Variants in MYT1L observed in about 807,000 individuals in gnomAD.
The protein encoded by MYT1L is myelin transcription factor 1 like, also known as myelin transcription factor 1-like protein.
A neutral mutation model predicts 126.7 loss-of-function variants in MYT1L; 12 were observed. That is an observed-to-expected ratio of 0.09 (90% CI 0.06 to 0.15). The LOEUF is 0.15. MYT1L is among the 10% of genes least tolerant of loss of function. The pLI is 1.00. For synonymous variants in MYT1L, 541 were observed against 604.2 expected, an observed-to-expected ratio of 0.90 and a Z score of 1.53; for missense variants, 979 against 1,585.2, an observed-to-expected ratio of 0.62 and a Z score of 6.49.
At chr2:1,799,749 C>A (rs1334624647) in intron 23 of MYT1L, among the ~76,000 whole-genome samples, 1 of 152,224 alleles carries the variant, frequency 6.6e-6, no homozygotes, top group Non-Finnish European at 1.5e-5. Flanking sequence ...TGTGTCCCCA[C>A]CCAAATCTCA....
chr2:2,176,972 C>A (rs796924971), intron 2 of MYT1L, among the ~76,000 whole-genome samples: 7 of 152,266 alleles, frequency 4.6e-5, no homozygotes, highest in African/African-American at 1.7e-4. Flanking sequence ...AGACATGTAC[C>A]TAAAGCCACA....
intron 18 of MYT1L, among the ~76,000 whole-genome samples, chr2:1,869,739 G>A (rs1469592844): frequency 2.0e-5 from 3 of 152,158 alleles, no homozygotes; most frequent in East Asian, 3.8e-4. Flanking sequence ...AGACTTGGAA[G>A]ATGATTATTA....
At chr2:2,031,407 T>TC (rs1158617085) in intron 4 of MYT1L, among the ~76,000 whole-genome samples, 1 of 148,274 alleles carries the variant, frequency 6.7e-6, no homozygotes, top group African/African-American at 2.4e-5. Flanking sequence ...CAAGTGCCTC[T>TC]CATCCTGTGG....
At chr2:2,280,448 T>TC (rs1412459516) in intron 2 of MYT1L, among the ~76,000 whole-genome samples, 1 of 152,190 alleles carries the variant, frequency 6.6e-6, no homozygotes, top group Non-Finnish European at 1.5e-5. Flanking sequence ...GTAAAGGTGT[T>TC]CACCTGCCCA....
At chr2:2,244,547 A>T (rs1351995406) in intron 2 of MYT1L, among the ~76,000 whole-genome samples, 1 of 152,254 alleles carries the variant, frequency 6.6e-6, no homozygotes. Context: ...CCCAAGTTTC[A>T]GATATCGGTG....
chr2:1,797,379 A>T (rs1393443649), intron 23 of MYT1L, among the ~76,000 whole-genome samples: 1 of 152,142 alleles, frequency 6.6e-6, no homozygotes, highest in Non-Finnish European at 1.5e-5. Context: ...GCCCGCCACC[A>T]CGCTAGGCTT....
At chr2:1,823,350 T>C (rs1012379481) in intron 21 of MYT1L, among the ~76,000 whole-genome samples, 6 of 152,284 alleles carry the variant, frequency 3.9e-5, no homozygotes, top group African/African-American at 7.2e-5. Flanking sequence ...TTCATTGTCA[T>C]AGATATAGCT....
At chr2:1,934,128 C>A (rs1488266469) in intron 9 of MYT1L, among the ~76,000 whole-genome samples, 2 of 142,336 alleles carry the variant, frequency 1.4e-5, no homozygotes, top group Non-Finnish European at 3.2e-5. Flanking sequence ...GCACCCGCCA[C>A]CACGCCTGGC....
chr2:2,098,219 C>G (rs968089753), intron 3 of MYT1L, among the ~76,000 whole-genome samples: 2 of 135,354 alleles, frequency 1.5e-5, no homozygotes, highest in African/African-American at 5.5e-5. Context: ...TAACAGATTG[C>G]TTAGGCGTTC....
intron 2 of MYT1L, among the ~76,000 whole-genome samples, chr2:2,173,432 T>C (rs2090329416): frequency 6.6e-6 from 1 of 152,260 alleles, no homozygotes; most frequent in Admixed American, 6.5e-5. Context: ...TATAGTTTGC[T>C]GATGACAAGG....
intron 14 of MYT1L, among the ~76,000 whole-genome samples, chr2:1,895,881 C>T (rs544175291): frequency 6.6e-6 from 1 of 152,304 alleles, no homozygotes; most frequent in South Asian, 2.1e-4. Flanking sequence ...GCAAAAGAAA[C>T]TATCAACGGA....
At chr2:1,879,878 A>G (rs918774101) in intron 18 of MYT1L, among the ~76,000 whole-genome samples, 2 of 152,246 alleles carry the variant, frequency 1.3e-5, no homozygotes, top group African/African-American at 4.8e-5. Flanking sequence ...AAAGTATGCA[A>G]TACAATTCAG....
chr2:2,281,123 C>T (rs772117639), intron 2 of MYT1L, among the ~76,000 whole-genome samples: 12 of 152,150 alleles, frequency 7.9e-5, no homozygotes, highest in African/African-American at 1.9e-4. Context: ...TACCCCACAC[C>T]GTTCTCATGT....
chr2:2,302,946 C>G (rs990859186), intron 1 of MYT1L, among the ~76,000 whole-genome samples: 1 of 152,024 alleles, frequency 6.6e-6, no homozygotes, highest in Non-Finnish European at 1.5e-5. Flanking sequence ...GTCCCTTTTG[C>G]ATAAATACAT....
chr2:2,156,226 T>C (rs1308073196), intron 3 of MYT1L, among the ~76,000 whole-genome samples: 4 of 152,190 alleles, frequency 2.6e-5, no homozygotes, highest in African/African-American at 4.8e-5. Context: ...TTAGAGCTCA[T>C]AGACTCAGGG....
At chr2:2,074,960 G>A (rs979078321) in intron 3 of MYT1L, among the ~76,000 whole-genome samples, 5 of 152,102 alleles carry the variant, frequency 3.3e-5, no homozygotes, top group African/African-American at 1.2e-4. Flanking sequence ...CAGTAGTTAC[G>A]ATCCTTATAG....
At chr2:2,232,011 A>G (rs2094173853) in intron 2 of MYT1L, among the ~76,000 whole-genome samples, 1 of 152,240 alleles carries the variant, frequency 6.6e-6, no homozygotes, top group Admixed American at 6.5e-5. Context: ...ATACTGCAAA[A>G]CCACTTAACA....
intron 18 of MYT1L, among the ~76,000 whole-genome samples, chr2:1,885,807 C>T (rs958359134): frequency 2.0e-5 from 3 of 152,182 alleles, no homozygotes; most frequent in Non-Finnish European, 4.4e-5. Context: ...TATGCTCTCC[C>T]CGGATTGCGG....
At chr2:2,057,001 TC>T (rs1282959934) in intron 3 of MYT1L, among the ~76,000 whole-genome samples, 1 of 152,108 alleles carries the variant, frequency 6.6e-6, no homozygotes, top group Non-Finnish European at 1.5e-5. Flanking sequence ...AATACAGAGA[TC>T]CCATGCACCC....
Sources: gnomAD v4.1 joint callset for allele counts (sites outside exome capture counted in the v4.1 genomes callset) on GRCh38, gnomAD v4.1.1 for gene constraint, MANE v1.5 for transcripts, NCBI Gene and HGNC (gene_info 2026-07-23, HGNC 2026-07-21) for gene names.